C10orf67: variants seen among roughly 807,000 people sequenced by gnomAD.
C10orf67 encodes the protein uncharacterized protein C10orf67, mitochondrial.
A neutral mutation model predicts 35.6 loss-of-function variants in C10orf67; 60 were observed. The ratio of observed to expected loss-of-function variants is 1.68; its 90% confidence interval spans 1.37 to 2.09. C10orf67 has a LOEUF of 2.09. Ranked by LOEUF, C10orf67 falls within the 30% of genes most tolerant of loss-of-function variation. The pLI is 0.00. For missense variants in C10orf67, 474 were observed against 330.2 expected (o/e 1.44, Z -3.38); for synonymous variants, 167 against 115.8 (o/e 1.44, Z -2.84).
intron 15 of C10orf67, among the ~76,000 whole-genome samples, chr10:23,213,348 AATC>A (rs1223613466): frequency 6.6e-6 from 1 of 152,230 alleles, no homozygotes; most frequent in Non-Finnish European, 1.5e-5. Context: ...GAAATACATG[AATC>A]ATCAGATCCA....
rs896040569 is a variant in C10orf67, at chr10:23,293,793, A to T, written c.703-2514T>A. Among the ~76,000 whole-genome samples the T allele has an allele frequency of 2.0e-5, 3 of 152,374 alleles. No individual in the cohort carries two copies. The East Asian group carries it at 5.8e-4, about 29-fold the overall frequency. On this transcript the variant is annotated intron_variant, in intron 5 of 15. Transcript: ENST00000636213. The stretch of plus-strand genomic sequence containing the variant: ...GCATAGAATTACAAACTGAATCCCA[A>T]ATTGAATCTCGAAAGAATCATTTTT...
At chr10:23,222,695 G>A (rs1438810311) in intron 15 of C10orf67, among the ~76,000 whole-genome samples, 1 of 152,144 alleles carries the variant, frequency 6.6e-6, no homozygotes, top group Admixed American at 6.6e-5. Flanking sequence ...TAATCCACAT[G>A]TTTACAATAA....
intron 13 of C10orf67, among the ~76,000 whole-genome samples, chr10:23,235,560 G>A (rs963116041): frequency 1.3e-5 from 2 of 152,166 alleles, no homozygotes; most frequent in Non-Finnish European, 2.9e-5. Context: ...AGGTTTGCAA[G>A]ATGGAAAAGA....
intron 4 of C10orf67, among the ~76,000 whole-genome samples, chr10:23,314,251 A>G (rs1488886382): frequency 6.6e-6 from 1 of 152,156 alleles, no homozygotes; most frequent in East Asian, 1.9e-4. Context: ...GTAGGATTCA[A>G]TGGCTTACTA....
chr10:23,318,749 G>T (rs956219529), intron 4 of C10orf67: 1 of 628,014 alleles, frequency 1.6e-6, no homozygotes, highest in African/African-American at 1.8e-5. Context: ...AACTAACAGT[G>T]GCTTAGACAC....
intron 9 of C10orf67, among the ~76,000 whole-genome samples, 199 bp from the exon 10 acceptor site, chr10:23,266,625 C>G (rs1254265441): frequency 6.6e-6 from 1 of 152,088 alleles, no homozygotes; most frequent in Non-Finnish European, 1.5e-5. Flanking sequence ...GCTTATTTCT[C>G]CACTCTCCCC....
At position 23,315,700 on chromosome 10, in the gene C10orf67, C is replaced by G. The variant is rs183370079; in HGVS notation, c.546+5041G>C. On this transcript the variant is annotated intron_variant, in intron 4 of 15. Coordinates refer to ENST00000636213, the MANE Select transcript of C10orf67 (RefSeq NM_001371909.1). ...AAGTGATCTGCCTGCCTCGGCCCCC[C>G]ACAGTGCTAGGATTATAGGCATGAG... 1.5e-3 allele frequency among the ~76,000 whole-genome samples: 231 copies of G among 152,304 alleles called. 3 individuals are homozygous for G. The highest frequency in any genetic ancestry group is 5.3e-3 in the African/African-American group (222 of 41,572).
chr10:23,234,904 C>T (rs1453217826), intron 13 of C10orf67, among the ~76,000 whole-genome samples: 6 of 146,600 alleles, frequency 4.1e-5, no homozygotes, highest in Admixed American at 3.5e-4. Context: ...CCCAGCTACT[C>T]GGGAGGCTGA....
chr10:23,218,215 C>T (rs11013328), intron 15 of C10orf67, among the ~76,000 whole-genome samples: 2 of 152,098 alleles, frequency 1.3e-5, no homozygotes, highest in Non-Finnish European at 2.9e-5. Context: ...TCATGGCACA[C>T]TGCAGCCTCC....
intron 10 of C10orf67, among the ~76,000 whole-genome samples, chr10:23,251,012 A>C (rs1842439439): frequency 6.6e-6 from 1 of 152,160 alleles, no homozygotes; most frequent in African/African-American, 2.4e-5. Flanking sequence ...AGGGAGAATT[A>C]CATAAGCCCA....
chr10:23,305,962 T>TAC (rs925660408), intron 4 of C10orf67, among the ~76,000 whole-genome samples: 1 of 142,882 alleles, frequency 7.0e-6, no homozygotes, highest in African/African-American at 2.8e-5. Context: ...AAACGTTACA[T>TAC]ACGCGCACAC....
chr10:23,312,986 C>T (rs1844555650), intron 4 of C10orf67, among the ~76,000 whole-genome samples: 1 of 152,224 alleles, frequency 6.6e-6, no homozygotes, highest in South Asian at 2.1e-4. Context: ...AAATTTCAAA[C>T]TTGCCAGCCC....
chr10:23,329,620 C>G (rs1479001586), intron 2 of C10orf67, among the ~76,000 whole-genome samples: 1 of 151,454 alleles, frequency 6.6e-6, no homozygotes, highest in Non-Finnish European at 1.5e-5. Flanking sequence ...GGTAACGTAG[C>G]AAGACTCTAT....
intron 15 of C10orf67, 94 bp downstream of exon 15, chr10:23,223,504 C>T (rs1455240433): frequency 1.0e-5 from 7 of 697,772 alleles, no homozygotes; most frequent in Non-Finnish European, 5.3e-6. Flanking sequence ...ACCCAGAATA[C>T]CAAATACCTC....
intron 1 of C10orf67, among the ~76,000 whole-genome samples, chr10:23,333,675 A>C (rs1845563943): frequency 6.6e-6 from 1 of 152,202 alleles, no homozygotes; most frequent in African/African-American, 2.4e-5. Flanking sequence ...ACAAATGTTC[A>C]GTGGAGTTTT....
At chr10:23,311,205 T>C (rs944305790) in intron 4 of C10orf67, among the ~76,000 whole-genome samples, 4 of 152,198 alleles carry the variant, frequency 2.6e-5, no homozygotes, top group Non-Finnish European at 4.4e-5. Context: ...AAGAGTCCCA[T>C]TTTAACATCC....
chr10:23,232,641 G>A (rs1383394000), intron 13 of C10orf67, among the ~76,000 whole-genome samples: 1 of 152,154 alleles, frequency 6.6e-6, no homozygotes, highest in African/African-American at 2.4e-5. Context: ...GGACCAAGGA[G>A]AATCAATATC....
At chr10:23,283,602 G>A (rs998112040) in intron 7 of C10orf67, among the ~76,000 whole-genome samples, 4 of 152,064 alleles carry the variant, frequency 2.6e-5, no homozygotes, top group African/African-American at 7.2e-5. Context: ...TTCTGCCACC[G>A]TCCTCTGCCC....
chr10:23,262,927 AT>A (rs1268652689), intron 10 of C10orf67, among the ~76,000 whole-genome samples: 4 of 152,328 alleles, frequency 2.6e-5, no homozygotes, highest in African/African-American at 9.6e-5. Context: ...TGATTTTGAC[AT>A]TTTATCTGTA....
Sources: allele counts gnomAD v4.1 joint callset (sites outside exome capture counted in the v4.1 genomes callset), GRCh38; gene constraint gnomAD v4.1.1; transcripts MANE v1.5; gene names NCBI Gene and HGNC (gene_info 2026-07-23, HGNC 2026-07-21).